The following SLC25A26 variants were observed in gnomAD, a reference collection of about 807,000 sequenced individuals.
The protein encoded by SLC25A26 is mitochondrial S-adenosylmethionine carrier protein.
SLC25A26 carries 36 observed loss-of-function variants against 37.8 expected under a neutral mutation model. The ratio of observed to expected loss-of-function variants is 0.95; its 90% CI spans 0.73 to 1.26. The LOEUF (loss-of-function observed/expected upper bound fraction) is 1.26, where lower values mean the gene tolerates loss of function less well. Ranked by LOEUF, SLC25A26 falls within the 50% of genes most tolerant of loss-of-function variation. SLC25A26 has a pLI of 0.00. For missense variants in SLC25A26, 390 were observed against 331.1 expected (o/e 1.18, Z -1.38); for synonymous variants, 129 against 122.5 (o/e 1.05, Z -0.35).
chr3:66,316,281 C>T (rs145139428), intron 5 of SLC25A26, among the ~76,000 whole-genome samples: 1,626 of 152,290 alleles, frequency 0.011, 27 homozygotes, highest in African/African-American at 0.036. Context: ...TTTAGTGCTT[C>T]CTTCAGGAAC....
intron 5 of SLC25A26, among the ~76,000 whole-genome samples, chr3:66,307,164 C>T (rs11707971): frequency 0.17 from 25,971 of 152,222 alleles, 3,319 homozygotes; most frequent in East Asian, 0.67. Context: ...TCTCCAGCAT[C>T]TGTTGTTTCC....
At chr3:66,182,467 T>G (rs2106762176) in intron 1 of SLC25A26, among the ~76,000 whole-genome samples, 1 of 152,276 alleles carries the variant, frequency 6.6e-6, no homozygotes, top group African/African-American at 2.4e-5. Context: ...TCACCGTGTA[T>G]TTTTAGCCAT....
At chr3:66,153,334 T>G (rs2106696015) in intron 1 of SLC25A26, among the ~76,000 whole-genome samples, 1 of 152,334 alleles carries the variant, frequency 6.6e-6, no homozygotes, top group South Asian at 2.1e-4. Flanking sequence ...ACCAGTTATT[T>G]ATGTGCAATG....
At chr3:66,355,153 C>G (rs2076547176) in intron 6 of SLC25A26, among the ~76,000 whole-genome samples, 2 of 152,112 alleles carry the variant, frequency 1.3e-5, no homozygotes, top group South Asian at 4.2e-4. Flanking sequence ...CTAAATATTA[C>G]TAAGCAAACC....
At chr3:66,321,762 T>TC (rs1171604493) in intron 5 of SLC25A26, among the ~76,000 whole-genome samples, 1 of 152,016 alleles carries the variant, frequency 6.6e-6, no homozygotes, top group African/African-American at 2.4e-5. Context: ...TTTTTTTTTT[T>TC]TTTCTTATTT....
chr3:66,212,824 C>T (rs2071302525), intron 1 of SLC25A26, among the ~76,000 whole-genome samples: 1 of 152,118 alleles, frequency 6.6e-6, no homozygotes, highest in African/African-American at 2.4e-5. Context: ...GATCTTCTTC[C>T]TTTTTAAGGG....
intron 5 of SLC25A26, among the ~76,000 whole-genome samples, chr3:66,342,926 A>G (rs957214589): frequency 1.3e-5 from 2 of 152,340 alleles, no homozygotes; most frequent in South Asian, 4.1e-4. Flanking sequence ...GGCATTAAAC[A>G]GGTCACAACA....
In SLC25A26 at chr3:66,262,082, T is replaced by C; in HGVS notation, c.332T>C (p.Val111Ala). The C allele has an allele frequency of 6.3e-7, 1 of 1,589,168 alleles. No individual in the cohort carries two copies. The highest frequency in any genetic ancestry group is 8.6e-7 in the Non-Finnish European group (1 of 1,166,916). The change falls in exon 4 of 10, where the codon GTG becomes GCG. Residue 111 changes from valine to alanine, a missense_variant. Val to Ala is a moderately conservative substitution (Grantham distance 64). Coordinates refer to ENST00000354883, the MANE Select transcript of SLC25A26 (RefSeq NM_001379210.1). ...VACLIRVPSE[V>A]VKQRAQVSAS... Reference sequence around the variant, plus strand: ...TGCCTGATTCGAGTTCCATCTGAAGTGGTTAAGCAGAGGGCACAGGTATCT... The same window carrying C: ...TGCCTGATTCGAGTTCCATCTGAAGCGGTTAAGCAGAGGGCACAGGTATCT...
intron 1 of SLC25A26, among the ~76,000 whole-genome samples, chr3:66,202,134 T>C (rs2071119211): frequency 6.6e-6 from 1 of 152,126 alleles, no homozygotes; most frequent in Admixed American, 6.6e-5. Flanking sequence ...AGTGATAGAC[T>C]GGATAAAGAA....
At chr3:66,285,249 C>A (rs888933113) in intron 5 of SLC25A26, among the ~76,000 whole-genome samples, 2 of 151,840 alleles carry the variant, frequency 1.3e-5, no homozygotes, top group African/African-American at 4.8e-5. Flanking sequence ...GATTGCTATC[C>A]ACTTGTTAAA....
At position 66,354,300 on chromosome 3, in the gene SLC25A26, TTAAGC is replaced by T. The variant is rs529623700; in HGVS notation, c.498+7898_498+7902del. 3.0e-3 allele frequency among the ~76,000 whole-genome samples: 459 copies of T among 152,300 alleles called. 2 individuals carry two copies. Among genetic ancestry groups the T allele is most frequent in the African/African-American group, 0.011 (448 of 41,562 alleles). The stretch of plus-strand genomic sequence containing the variant: ...GCAATAGCTAGATGAGATGTAATCT[TTAAGC>T]TAAGCAGTATTTAAAGCAAAATGAA... On this transcript the variant is annotated intron_variant, in intron 6 of 9. Transcript: ENST00000354883.
At chr3:66,312,472 C>T (rs188461798) in intron 5 of SLC25A26, among the ~76,000 whole-genome samples, 1 of 151,964 alleles carries the variant, frequency 6.6e-6, no homozygotes, top group Non-Finnish European at 1.5e-5. Flanking sequence ...GGCTTCAGCC[C>T]CCTTTCCATG....
Position 66,270,534 on chromosome 3 carries a change from T to C in SLC25A26, c.453+7155T>C, listed in dbSNP as rs557706125. Among the ~76,000 whole-genome samples, 35 of 152,326 alleles carry C rather than the reference T, an allele frequency of 2.3e-4. 1 individual carries two copies. In the South Asian group the frequency reaches 7.2e-3, roughly 32 times the overall value. On this transcript the variant is annotated intron_variant, in intron 5 of 9. Transcript: ENST00000354883. ...TTTTATTATTCAGGCTTTCAGTAAA[T>C]GTGTAATGAGACATTCTTTTTGATG... is the stretch of plus-strand genomic sequence containing the variant.
chr3:66,371,142 T>C, intron 9 of SLC25A26: 1 of 1,429,026 alleles, frequency 7.0e-7, no homozygotes, highest in Non-Finnish European at 9.2e-7. Flanking sequence ...ACCATAAACT[T>C]GTGAAGCCGC....
intron 1 of SLC25A26, among the ~76,000 whole-genome samples, chr3:66,143,264 C>T (rs575606023): frequency 5.3e-5 from 8 of 152,100 alleles, no homozygotes; most frequent in East Asian, 3.9e-4. Context: ...GTTGTTTCTA[C>T]CTTTTGGCTA....
chr3:66,280,893 C>G (rs556249150), intron 5 of SLC25A26, among the ~76,000 whole-genome samples: 3 of 152,102 alleles, frequency 2.0e-5, no homozygotes, highest in Non-Finnish European at 4.4e-5. Context: ...TCCTACTTCT[C>G]ATAACTACAA....
At chr3:66,355,319 A>G (rs1008574217) in intron 6 of SLC25A26, among the ~76,000 whole-genome samples, 4 of 151,922 alleles carry the variant, frequency 2.6e-5, no homozygotes, top group South Asian at 2.1e-4. Flanking sequence ...ACCAGCCAAC[A>G]TATATTATTG....
chr3:66,332,145 C>G (rs1179407708), intron 5 of SLC25A26, among the ~76,000 whole-genome samples: 1 of 151,960 alleles, frequency 6.6e-6, no homozygotes, highest in Non-Finnish European at 1.5e-5. Flanking sequence ...AGCATGTTGG[C>G]CAGGCTGATC....
At chr3:66,269,231 C>A (rs1378536729) in intron 5 of SLC25A26, among the ~76,000 whole-genome samples, 1 of 152,164 alleles carries the variant, frequency 6.6e-6, no homozygotes, top group Non-Finnish European at 1.5e-5. Context: ...GGAAATTAAA[C>A]CTGCTTTTAG....
Sources: gnomAD v4.1 joint callset for allele counts (sites outside exome capture counted in the v4.1 genomes callset) on GRCh38, gnomAD v4.1.1 for gene constraint, MANE v1.5 for transcripts, NCBI Gene and HGNC (gene_info 2026-07-23, HGNC 2026-07-21) for gene names.